Variants in ADAM9 observed in about 807,000 individuals in gnomAD.
ADAM9 encodes the protein ADAM metallopeptidase domain 9.
A neutral mutation model predicts 108.1 loss-of-function variants in ADAM9; 54 were observed. The ratio of observed to expected loss-of-function variants is 0.50; its 90% CI spans 0.40 to 0.63. The LOEUF (loss-of-function observed/expected upper bound fraction) is 0.63, where lower values mean the gene tolerates loss of function less well. ADAM9 is among the 20% of genes least tolerant of loss of function. ADAM9 has a pLI of 0.00. For missense variants in ADAM9, 830 were observed against 997.7 expected, an observed-to-expected ratio of 0.83 and a Z score of 2.26; for synonymous variants, 316 against 336.0, an observed-to-expected ratio of 0.94 and a Z score of 0.65.
chr8:39,005,791 A>T (rs181405360), intron 1 of ADAM9, among the ~76,000 whole-genome samples: 1 of 152,226 alleles, frequency 6.6e-6, no homozygotes, highest in African/African-American at 2.4e-5. Context: ...ATAGGATATG[A>T]TGGGTAGCAA....
At chr8:39,014,493 G>A (rs1836461717) in intron 4 of ADAM9, 1 of 691,014 alleles carries the variant, frequency 1.4e-6, no homozygotes, top group Non-Finnish European at 2.6e-6. Flanking sequence ...TCCTAAAAGA[G>A]GTGTGGTCCT....
Position 39,089,086 on chromosome 8 carries a change from A to G in ADAM9, c.2069-961A>G, listed in dbSNP as rs139478130. 6.8e-3 allele frequency among the ~76,000 whole-genome samples: 1,032 copies of G among 152,210 alleles called. 17 individuals carry two copies. The highest frequency in any genetic ancestry group is 0.024 in the African/African-American group (988 of 41,532). On this transcript the variant is annotated intron_variant, in intron 18 of 21. Coordinates refer to ENST00000487273, the MANE Select transcript of ADAM9 (RefSeq NM_003816.3). Reference sequence around the variant, plus strand: ...AACATGGTGAAACCTGTCTCTACTAATAATACAAAAAAATTAGCTGGGCGT... The same window carrying G: ...AACATGGTGAAACCTGTCTCTACTAGTAATACAAAAAAATTAGCTGGGCGT...
chr8:38,997,101 G>A lies in ADAM9; in HGVS notation c.38G>A (p.Arg13His). ...SGARFPSGTLRVRWLLLLGLV... is the reference protein window; with the variant it reads ...SGARFPSGTLHVRWLLLLGLV... ...GCGCGCTTTCCCTCGGGGACCCTTC[G>A]TGTCCGGTGGTTGCTGTTGCTTGGC... Residue 13 changes from arginine (R) to histidine (H), a missense_variant, in exon 1 of 22, where the codon CGT (arginine) becomes CAT (histidine). Around this residue, in one of 3 missense-constraint regions of ADAM9, gnomAD observed 211 missense variants for 222.2 expected, o/e 0.95. Coordinates refer to ENST00000487273, the MANE Select transcript of ADAM9 (RefSeq NM_003816.3). 2 of 1,606,500 alleles carry A rather than the reference G, an allele frequency of 1.2e-6. No homozygotes were observed. Among genetic ancestry groups the A allele is most frequent in the Non-Finnish European group, 1.7e-6 (2 of 1,179,596 alleles).
rs533748456 is a variant in ADAM9, at chr8:39,000,417, A to G, written c.97+3257A>G. ...TTCATGTTGTTATTTTAATCAGATT[A>G]TTTTCCCTAAGTGATCATATGTGGG... On this transcript the variant is annotated intron_variant, in intron 1 of 21. Transcript: ENST00000487273. 2.6e-5 allele frequency among the ~76,000 whole-genome samples: 4 copies of G among 151,264 alleles called. No homozygotes were observed. The South Asian group carries it at 8.4e-4, about 32-fold the overall frequency.
intron 18 of ADAM9, among the ~76,000 whole-genome samples, chr8:39,086,187 G>C (rs1196758344): frequency 6.6e-6 from 1 of 151,942 alleles, no homozygotes; most frequent in Non-Finnish European, 1.5e-5. Flanking sequence ...GCTAACTTTT[G>C]TATTTTTAGT....
intron 11 of ADAM9, among the ~76,000 whole-genome samples, chr8:39,039,688 C>T (rs1447263567): frequency 1.3e-5 from 2 of 152,188 alleles, no homozygotes; most frequent in Non-Finnish European, 2.9e-5. Flanking sequence ...GCATAACATC[C>T]TCCAGGTTCC....
intron 12 of ADAM9, among the ~76,000 whole-genome samples, chr8:39,050,123 T>C (rs2129437876): frequency 6.6e-6 from 1 of 152,332 alleles, no homozygotes; most frequent in Admixed American, 6.5e-5. Flanking sequence ...TGCTGAAAAA[T>C]CCACTAATGG....
intron 12 of ADAM9, among the ~76,000 whole-genome samples, chr8:39,050,835 T>G (rs956258767): frequency 1.3e-5 from 2 of 149,196 alleles, no homozygotes; most frequent in Non-Finnish European, 3.0e-5. Context: ...GAAGTGTTTT[T>G]TTTTTTTTTT....
intron 4 of ADAM9, chr8:39,014,560 T>C: frequency 1.4e-6 from 1 of 702,610 alleles, no homozygotes; most frequent in Non-Finnish European, 2.6e-6. Context: ...ATACCCAAAA[T>C]AATTGGCAGA....
intron 1 of ADAM9, among the ~76,000 whole-genome samples, chr8:39,002,124 T>C (rs544408899): frequency 2.2e-4 from 34 of 151,368 alleles, no homozygotes; most frequent in Admixed American, 1.8e-3. Context: ...GTAGATCTAA[T>C]TGAAACAATT....
At chr8:39,055,805 G>A (rs192657345) in intron 14 of ADAM9, 33 bp downstream of exon 14, 27 of 1,579,052 alleles carry the variant, frequency 1.7e-5, no homozygotes, top group East Asian at 1.1e-4. Context: ...TGATTGCTTC[G>A]ATATTATTTA....
At chr8:39,054,422 T>C in intron 12 of ADAM9, 59 bp from the exon 13 acceptor site, 1 of 1,419,404 alleles carries the variant, frequency 7.0e-7, no homozygotes, top group Non-Finnish European at 9.9e-7. Context: ...GAGAATTTTA[T>C]TAATGAGTAT....
chr8:39,051,903 C>T (rs987960579), intron 12 of ADAM9, among the ~76,000 whole-genome samples: 1 of 152,052 alleles, frequency 6.6e-6, no homozygotes, highest in African/African-American at 2.4e-5. Flanking sequence ...CGTATACATC[C>T]TTGTACACAC....
At chr8:39,068,838 T>C (rs1838583394) in intron 14 of ADAM9, among the ~76,000 whole-genome samples, 1 of 152,046 alleles carries the variant, frequency 6.6e-6, no homozygotes. Flanking sequence ...CTGTGCCTGT[T>C]ACTGTGCCTG....
intron 10 of ADAM9, 29 bp from the exon 11 acceptor site, chr8:39,026,648 C>T (rs996621710): frequency 1.2e-6 from 2 of 1,614,020 alleles, no homozygotes; most frequent in Admixed American, 3.3e-5. Context: ...CGTTCAGAAA[C>T]CTAATTACTA....
chr8:39,077,561 A>G (rs1017056759), intron 16 of ADAM9, 150 bp downstream of exon 16: 7 of 804,294 alleles, frequency 8.7e-6, no homozygotes, highest in Non-Finnish European at 1.3e-5. Flanking sequence ...AAAGAAAATT[A>G]AGAACTATAA....
Position 39,055,721 on chromosome 8 carries a change from A to G in ADAM9, c.1540A>G (p.Asn514Asp), listed in dbSNP as rs1265664489. ...CCAGAATAACAAAGCCTATTGCTAC[A>G]ACGGCATGTGCCAGTATTATGATGC... ...PCQNNKAYCYNGMCQYYDAQC... is the reference protein window; with the variant it reads ...PCQNNKAYCYDGMCQYYDAQC... The change falls in exon 14 of 22, where the codon AAC (asparagine) becomes GAC (aspartate). Residue 514 changes from asparagine to aspartate, a missense_variant. Physicochemically the swap from Asn to Asp is conservative, Grantham distance 23. Around this residue, in one of 3 missense-constraint regions of ADAM9, gnomAD observed 381 missense variants for 539.8 expected, o/e 0.71. Transcript: ENST00000487273. 4 of 1,613,610 alleles carry G rather than the reference A, an allele frequency of 2.5e-6. No individual in the cohort carries two copies. The highest frequency in any genetic ancestry group is 2.7e-5 in the African/African-American group (2 of 74,934).
At position 38,997,137 on chromosome 8, in the gene ADAM9, C is replaced by T; in HGVS notation, c.74C>T (p.Pro25Leu). 1.2e-6 allele frequency: 2 copies of T among 1,602,734 alleles called. No homozygotes were observed. The highest frequency in any genetic ancestry group is 1.7e-6 in the Non-Finnish European group (2 of 1,179,410). ...TTGCTGTTGCTTGGCCTGGTGGGCC[C>T]AGTCCTCGGTGCGGCGCGGCCAGGT... ...RWLLLLGLVG[P>L]VLGAARPGFQ... The change falls in exon 1 of 22, where the codon CCA becomes CTA. Residue 25 changes from proline (P) to leucine (L), a missense_variant. By Grantham distance (98) the Pro-to-Leu change is moderately conservative. This residue lies in a region of ADAM9 where 211 missense variants were observed against 222.2 expected (regional missense o/e 0.95). Transcript: ENST00000487273.
chr8:39,053,400 A>G (rs1242059474), intron 12 of ADAM9, among the ~76,000 whole-genome samples: 1 of 152,150 alleles, frequency 6.6e-6, no homozygotes, highest in East Asian at 1.9e-4. Context: ...TGCCTGCTCC[A>G]CAGTTGCAAA....
Sources: allele counts gnomAD v4.1 joint callset (sites outside exome capture counted in the v4.1 genomes callset), GRCh38; gene constraint gnomAD v4.1.1; regional missense constraint gnomAD v4.1.1; transcripts MANE v1.5; gene names NCBI Gene and HGNC (gene_info 2026-07-23, HGNC 2026-07-21).